Variants in HCRTR2 observed in about 807,000 individuals in gnomAD.
The protein encoded by HCRTR2 is orexin receptor type 2.
Under a neutral mutation model 49.0 loss-of-function variants are expected in HCRTR2, and 22 were observed. The ratio of observed to expected loss-of-function variants is 0.45; its 90% confidence interval spans 0.32 to 0.64. HCRTR2 has a LOEUF of 0.64. Ranked by LOEUF, HCRTR2 falls within the 30% of genes least tolerant of loss-of-function variation. The probability of loss-of-function intolerance (pLI) is 0.04; values close to 1 mark genes in which losing one functional copy is unlikely to be tolerated. For synonymous variants in HCRTR2, 236 were observed against 205.3 expected (o/e 1.15, Z -1.28); for missense variants, 491 against 559.4 (o/e 0.88, Z 1.23).
chr6:55,245,766 G>A (rs1766431916), intron 1 of HCRTR2, among the ~76,000 whole-genome samples: 1 of 151,682 alleles, frequency 6.6e-6, no homozygotes, highest in African/African-American at 2.4e-5. Context: ...TCTTTAGGCT[G>A]GAGAAGCATA....
chr6:55,249,747 T>G (rs1360792063), intron 2 of HCRTR2, among the ~76,000 whole-genome samples: 1 of 152,086 alleles, frequency 6.6e-6, no homozygotes. Context: ...TCTAAAATTT[T>G]TGAAACAAAA....
chr6:55,131,767 A>G (rs1185780081), intron 1 of HCRTR2, among the ~76,000 whole-genome samples: 1 of 150,854 alleles, frequency 6.6e-6, no homozygotes, highest in Non-Finnish European at 1.5e-5. Context: ...TTGAAAAATA[A>G]CATCTTATCC....
At chr6:55,210,752 C>G (rs910498613) in intron 1 of HCRTR2, among the ~76,000 whole-genome samples, 3 of 152,082 alleles carry the variant, frequency 2.0e-5, no homozygotes, top group African/African-American at 7.2e-5. Flanking sequence ...ATTTCTACTC[C>G]TTTTCATAAA....
At chr6:55,234,602 C>T (rs975393820) in intron 1 of HCRTR2, among the ~76,000 whole-genome samples, 3 of 152,074 alleles carry the variant, frequency 2.0e-5, no homozygotes, top group Non-Finnish European at 4.4e-5. Context: ...GAGTAATGTT[C>T]AACTCCATTT....
At chr6:55,249,721 T>C (rs79805462) in intron 2 of HCRTR2, among the ~76,000 whole-genome samples, 6,289 of 152,222 alleles carry the variant, frequency 0.041, 176 homozygotes, top group Middle Eastern at 0.085. Flanking sequence ...ATTAGTGTTC[T>C]GATTGTTATT....
intron 1 of HCRTR2, among the ~76,000 whole-genome samples, chr6:55,154,612 C>T (rs1049968554): frequency 1.3e-5 from 2 of 151,600 alleles, no homozygotes; most frequent in Non-Finnish European, 3.0e-5. Flanking sequence ...AAGAACAAAG[C>T]AAGGATGCCC....
intron 1 of HCRTR2, among the ~76,000 whole-genome samples, chr6:55,109,724 T>C (rs959794921): frequency 1.3e-5 from 2 of 152,242 alleles, no homozygotes; most frequent in Non-Finnish European, 2.9e-5. Context: ...TTGGGATATG[T>C]TAAGCAGCCA....
chr6:55,233,402 T>A (rs1370950139), intron 1 of HCRTR2, among the ~76,000 whole-genome samples: 1 of 152,168 alleles, frequency 6.6e-6, no homozygotes, highest in East Asian at 1.9e-4. Flanking sequence ...AAGCTGGTTT[T>A]TAAAAGGGAT....
At chr6:55,144,184 C>T (rs1040781557) in intron 1 of HCRTR2, among the ~76,000 whole-genome samples, 16 of 147,150 alleles carry the variant, frequency 1.1e-4, no homozygotes, top group African/African-American at 4.1e-4. Context: ...GCGATCTCGG[C>T]GCACCGCAAC....
chr6:55,186,390 C>T (rs1368587329), intron 1 of HCRTR2, among the ~76,000 whole-genome samples: 2 of 152,142 alleles, frequency 1.3e-5, no homozygotes, highest in Admixed American at 1.3e-4. Context: ...GTAACTTATA[C>T]ATCAACTATT....
intron 5 of HCRTR2, among the ~76,000 whole-genome samples, chr6:55,279,553 ACT>A (rs1554184108): frequency 4.7e-5 from 7 of 149,852 alleles, no homozygotes; most frequent in Non-Finnish European, 7.4e-5. Flanking sequence ...ACACACACAC[ACT>A]GATACAGACA....
chr6:55,202,708 C>T (rs1765532002), intron 1 of HCRTR2, among the ~76,000 whole-genome samples: 2 of 151,988 alleles, frequency 1.3e-5, no homozygotes, highest in South Asian at 2.1e-4. Context: ...CTATTCCTTC[C>T]CAAAGGGCCC....
At chr6:55,234,911 T>C (rs1310428956) in intron 1 of HCRTR2, among the ~76,000 whole-genome samples, 1 of 152,164 alleles carries the variant, frequency 6.6e-6, no homozygotes, top group African/African-American at 2.4e-5. Flanking sequence ...GTAACAGCCC[T>C]GTTTACAATA....
At chr6:55,220,293 A>T (rs2127295477) in intron 1 of HCRTR2, among the ~76,000 whole-genome samples, 1 of 152,300 alleles carries the variant, frequency 6.6e-6, no homozygotes, top group South Asian at 2.1e-4. Flanking sequence ...GATGAATGTA[A>T]ATGCAAAAGT....
At chr6:55,137,810 A>C (rs1475994362) in intron 1 of HCRTR2, among the ~76,000 whole-genome samples, 1 of 152,068 alleles carries the variant, frequency 6.6e-6, no homozygotes, top group African/African-American at 2.4e-5. Flanking sequence ...TTATGAAAGC[A>C]CTCTCTAGGC....
chr6:55,215,550 G>A (rs1765772655), intron 1 of HCRTR2, among the ~76,000 whole-genome samples: 1 of 151,974 alleles, frequency 6.6e-6, no homozygotes, highest in African/African-American at 2.4e-5. Context: ...TAATGGTGGT[G>A]GGTAACTTAC....
chr6:55,262,207 A>G (rs1179263008), intron 3 of HCRTR2, among the ~76,000 whole-genome samples: 1 of 151,166 alleles, frequency 6.6e-6, no homozygotes. Context: ...CTCAGAAATC[A>G]CCACTGAAGA....
intron 5 of HCRTR2, among the ~76,000 whole-genome samples, chr6:55,278,630 AT>A (rs957581723): frequency 1.3e-5 from 2 of 151,682 alleles, no homozygotes; most frequent in African/African-American, 4.8e-5. Flanking sequence ...AAGATATATG[AT>A]TTTTTTTGTG....
chr6:55,266,795 A>C (rs1766869034), intron 4 of HCRTR2, among the ~76,000 whole-genome samples: 1 of 152,140 alleles, frequency 6.6e-6, no homozygotes, highest in African/African-American at 2.4e-5. Flanking sequence ...TGTTTTAAAA[A>C]GTTTGTTAAA....
Sources: allele counts gnomAD v4.1 joint callset (sites outside exome capture counted in the v4.1 genomes callset), GRCh38; gene constraint gnomAD v4.1.1; transcripts MANE v1.5; gene names NCBI Gene and HGNC (gene_info 2026-07-23, HGNC 2026-07-21).